The following USP16 variants were observed in gnomAD, a reference collection of about 807,000 sequenced individuals.
USP16 encodes the protein ubiquitin carboxyl-terminal hydrolase 16.
A neutral mutation model predicts 95.9 loss-of-function variants in USP16; 77 were observed. The observed-to-expected ratio is 0.80, with a 90% CI of 0.67 to 0.97. USP16 has a LOEUF of 0.97. Among genes scored for constraint, USP16 ranks in the 50% least tolerant of loss-of-function variants. The pLI, the probability that USP16 is intolerant of heterozygous loss-of-function variation, is 0.00. For missense variants in USP16, 943 were observed against 959.9 expected, an observed-to-expected ratio of 0.98 and a Z score of 0.23; for synonymous variants, 303 against 318.2, an observed-to-expected ratio of 0.95 and a Z score of 0.51.
chr21:29,052,749 C>G (rs2085435098), intron 16 of USP16: 1 of 152,148 alleles, frequency 6.6e-6, no homozygotes, highest in Admixed American at 6.5e-5. Context: ...TGGACTAAGA[C>G]TAAAAATAAG....
At chr21:29,043,372 A>G in intron 12 of USP16, 51 bp from the exon 13 acceptor site, 1 of 1,271,526 alleles carries the variant, frequency 7.9e-7, no homozygotes, top group Non-Finnish European at 1.0e-6. Context: ...TTTTTTCACC[A>G]AATGGTAGTT....
At chr21:29,038,636 C>T (rs902508810) in intron 7 of USP16, among the ~76,000 whole-genome samples, 1 of 152,112 alleles carries the variant, frequency 6.6e-6, no homozygotes, top group African/African-American at 2.4e-5. Context: ...TTTCTATGCT[C>T]GAGTGTTAAG....
At chr21:29,054,035 TTA>T (rs1254964466) in intron 17 of USP16, 29 bp from the exon 18 acceptor site, 2 of 1,613,796 alleles carry the variant, frequency 1.2e-6, no homozygotes, top group Non-Finnish European at 1.7e-6. Context: ...ATCTTTCCAT[TTA>T]TGTTTGATTT....
At chr21:29,036,576 A>G (rs908103613) in intron 5 of USP16, among the ~76,000 whole-genome samples, 2 of 152,274 alleles carry the variant, frequency 1.3e-5, no homozygotes, top group Non-Finnish European at 2.9e-5. Flanking sequence ...GATGAAGGCC[A>G]TAGACTAAGG....
intron 8 of USP16, 103 bp from the exon 9 acceptor site, chr21:29,039,378 C>T: frequency 1.5e-6 from 2 of 1,317,426 alleles, no homozygotes; most frequent in Non-Finnish European, 2.1e-6. Flanking sequence ...TTGTAGAAAC[C>T]AGAACTCTCT....
intron 11 of USP16, 134 bp downstream of exon 11, chr21:29,042,238 G>A: frequency 2.3e-6 from 2 of 866,868 alleles, no homozygotes; most frequent in Non-Finnish European, 1.7e-6. Flanking sequence ...AGATGTGCAT[G>A]GTTCTTTGTG....
chr21:29,046,938 A>T lies in USP16; in HGVS notation c.1628A>T (p.Asp543Val), dbSNP rs770209399. ...EEVDMKNINM[D>V]NDLEVLTSSP... Reference sequence around the variant, plus strand: ...GTAGATATGAAAAATATCAACATGGATAATGATCTGGAGGTTTTAACATCT... The same window carrying T: ...GTAGATATGAAAAATATCAACATGGTTAATGATCTGGAGGTTTTAACATCT... Residue 543 changes from aspartate to valine, a missense_variant, in exon 14 of 18, where the codon GAT becomes GTT. Physicochemically the swap from Asp to Val is radical, Grantham distance 152. Transcript: ENST00000399976. The T allele has an allele frequency of 1.9e-6, 3 of 1,614,156 alleles. No homozygotes were observed. In the South Asian group the frequency reaches 3.3e-5, roughly 18 times the overall value.
At chr21:29,044,325 C>T (rs945072654) in intron 13 of USP16, among the ~76,000 whole-genome samples, 1 of 151,982 alleles carries the variant, frequency 6.6e-6, no homozygotes, top group African/African-American at 2.4e-5. Flanking sequence ...TGAGCAAATA[C>T]AAATATGCAG....
chr21:29,032,493 A>C (rs1471779919), intron 3 of USP16, among the ~76,000 whole-genome samples: 1 of 152,198 alleles, frequency 6.6e-6, no homozygotes, highest in Non-Finnish European at 1.5e-5. Context: ...GGGCCTCCCA[A>C]AGTGCTAAGA....
At chr21:29,034,716 T>C (rs1441042869) in intron 3 of USP16, 121 bp from the exon 4 acceptor site, 10 of 892,382 alleles carry the variant, frequency 1.1e-5, no homozygotes, top group Admixed American at 2.6e-5. Flanking sequence ...TAACATTTTC[T>C]TTTCAAGATT....
chr21:29,037,201 A>T, intron 5 of USP16, 75 bp from the exon 6 acceptor site: 2 of 968,426 alleles, frequency 2.1e-6, no homozygotes, highest in Non-Finnish European at 2.9e-6. Flanking sequence ...AAACTCTAGT[A>T]CTGTTTCCCA....
intron 1 of USP16, among the ~76,000 whole-genome samples, chr21:29,025,483 C>T (rs1208070751): frequency 2.0e-5 from 3 of 152,232 alleles, no homozygotes; most frequent in Non-Finnish European, 2.9e-5. Context: ...AATATGCTCT[C>T]CTCATGACTC....
intron 1 of USP16, 58 bp from the exon 2 acceptor site, chr21:29,027,815 A>T: frequency 8.2e-7 from 1 of 1,224,544 alleles, no homozygotes; most frequent in Non-Finnish European, 1.2e-6. Context: ...ACTGTCTCCT[A>T]GAGAAATATA....
intron 10 of USP16, 50 bp downstream of exon 10, chr21:29,040,737 C>A: frequency 1.0e-6 from 1 of 993,952 alleles, no homozygotes; most frequent in Non-Finnish European, 1.5e-6. Flanking sequence ...TTCCTCTGTA[C>A]CTTAGGACAA....
chr21:29,043,325 A>G (rs2085272360), intron 12 of USP16, 98 bp from the exon 13 acceptor site: 4 of 908,654 alleles, frequency 4.4e-6, no homozygotes, highest in East Asian at 3.2e-5. Context: ...AAGCTAATAC[A>G]TAATAGAAGT....
chr21:29,047,988 A>G (rs1217896574), intron 14 of USP16, among the ~76,000 whole-genome samples: 1 of 151,392 alleles, frequency 6.6e-6, no homozygotes, highest in African/African-American at 2.4e-5. Context: ...ATATAAGCTC[A>G]GAGACTATAC....
rs67919060 is a variant in USP16 at position 29,048,048 on chromosome 21, CGTGTGTGTGTGTGTGTGTGT to C, written c.2012-682_2012-663del. 1.9e-4 allele frequency among the ~76,000 whole-genome samples: 24 copies of C among 123,796 alleles called. 1 individual carries two copies. The highest frequency in any genetic ancestry group is 5.9e-4 in the South Asian group (2 of 3,406). 81.2% of individuals were successfully genotyped at this position (123,796 alleles called of 152,430 possible). A position where few individuals can be genotyped will look rare whatever the true frequency, so the allele number is the denominator to read the frequency against. ...TATATATATCAGCTCAGAGACGATA[CGTGTGTGTGTGTGTGTGTGT>C]GTGTGTGTGTGTGTGTGTGTGTGTG... On this transcript the variant is annotated intron_variant, in intron 14 of 17. Transcript: ENST00000399976.
chr21:29,044,599 C>T (rs2085295990), intron 13 of USP16, among the ~76,000 whole-genome samples: 1 of 152,014 alleles, frequency 6.6e-6, no homozygotes, highest in African/African-American at 2.4e-5. Flanking sequence ...AGGCATGTGC[C>T]ACCGTACCTG....
At position 29,038,384 on chromosome 21, in the gene USP16, T is replaced by C; in HGVS notation, c.686T>C (p.Met229Thr). ...VLRELLKEVK[M>T]SGTIVKIEPP... Reference sequence around the variant, plus strand: ...AGAGAACTACTAAAAGAAGTGAAAATGTCTGGAACAATTGTAAAAATTGAA... The same window carrying C: ...AGAGAACTACTAAAAGAAGTGAAAACGTCTGGAACAATTGTAAAAATTGAA... Residue 229 changes from methionine (M) to threonine (T), a missense_variant, in exon 7 of 18, where the codon ATG becomes ACG. Coordinates refer to ENST00000399976, the MANE Select transcript of USP16 (RefSeq NM_006447.3). 6.2e-7 allele frequency: 1 copy of C among 1,613,054 alleles called. No individual in the cohort carries two copies. Among genetic ancestry groups the C allele is most frequent in the Non-Finnish European group, 8.5e-7 (1 of 1,179,334 alleles).
Sources: allele counts gnomAD v4.1 joint callset (sites outside exome capture counted in the v4.1 genomes callset), GRCh38; gene constraint gnomAD v4.1.1; transcripts MANE v1.5; gene names NCBI Gene and HGNC (gene_info 2026-07-23, HGNC 2026-07-21).